The following RTL4 variants were observed in gnomAD, a reference collection of about 807,000 sequenced individuals.
RTL4 encodes the protein retrotransposon Gag like 4.
In RTL4, 4 loss-of-function variants were observed where a neutral mutation model predicts 5.3. The observed-to-expected ratio is 0.75, with a 90% CI of 0.37 to 1.72. The LOEUF (loss-of-function observed/expected upper bound fraction) is 1.72. RTL4 is among the 40% of genes most tolerant of loss of function. The pLI, the probability that RTL4 is intolerant of heterozygous loss-of-function variation, is 0.04. For missense variants in RTL4, 260 were observed against 227.1 expected (o/e 1.14, Z -0.93); for synonymous variants, 98 against 87.3 (o/e 1.12, Z -0.68).
At chrX:112,132,955 G>A in the RTL4 span, among the ~76,000 whole-genome samples, 3 of 112,164 alleles carry the variant, frequency 2.7e-5, no homozygotes, top group Non-Finnish European at 3.8e-5. Flanking sequence ...CCTCCTGGAG[G>A]AGGCTAGCCC....
the RTL4 span, among the ~76,000 whole-genome samples, chrX:112,113,532 C>T: frequency 1.8e-5 from 2 of 111,030 alleles, no homozygotes; most frequent in African/African-American, 6.6e-5. Flanking sequence ...ATGCCAGTGT[C>T]CAGGGGGAAG....
chrX:112,398,979 T>G, the RTL4 span, among the ~76,000 whole-genome samples: 5 of 112,359 alleles, frequency 4.5e-5, no homozygotes, highest in Non-Finnish European at 9.4e-5. Flanking sequence ...TGAAGTTAAT[T>G]CCTTTAAATA....
the RTL4 span, among the ~76,000 whole-genome samples, chrX:112,165,425 T>C: frequency 9.9e-4 from 110 of 111,554 alleles, no homozygotes; most frequent in Middle Eastern, 4.6e-3. Flanking sequence ...AACTGCCCTC[T>C]GTCACTCCAC....
chrX:112,245,853 G>T, the RTL4 span, among the ~76,000 whole-genome samples: 1 of 112,202 alleles, frequency 8.9e-6, no homozygotes, highest in Non-Finnish European at 1.9e-5. Flanking sequence ...TTTGGTCTTT[G>T]ATGATGGTGA....
the RTL4 span, among the ~76,000 whole-genome samples, chrX:112,397,478 T>C: frequency 9.0e-6 from 1 of 111,657 alleles, no homozygotes; most frequent in Non-Finnish European, 1.9e-5. Flanking sequence ...TTCTTCTTGA[T>C]CACATTTTAA....
the RTL4 span, among the ~76,000 whole-genome samples, chrX:112,388,984 A>T: frequency 9.0e-6 from 1 of 111,408 alleles, no homozygotes; most frequent in African/African-American, 3.3e-5. Flanking sequence ...TTTAGTAGGA[A>T]TGATACCAGC....
chrX:112,102,947 C>T, the RTL4 span, among the ~76,000 whole-genome samples: 1 of 111,652 alleles, frequency 9.0e-6, no homozygotes, highest in Non-Finnish European at 1.9e-5. Flanking sequence ...GGTGGCAAGG[C>T]TGTGGAGAAA....
the RTL4 span, among the ~76,000 whole-genome samples, chrX:112,205,538 A>G: frequency 1.8e-5 from 2 of 111,320 alleles, no homozygotes; most frequent in African/African-American, 6.5e-5. Context: ...CATCCTGAAT[A>G]TCTCATTTCC....
At chrX:112,104,052 C>T in the RTL4 span, among the ~76,000 whole-genome samples, 12 of 111,425 alleles carry the variant, frequency 1.1e-4, no homozygotes, top group African/African-American at 3.6e-4. Context: ...CAAGCCTCTA[C>T]CTCTCTCCAT....
At chrX:112,420,213 A>T in the RTL4 span, among the ~76,000 whole-genome samples, 1 of 111,644 alleles carries the variant, frequency 9.0e-6, no homozygotes, top group African/African-American at 3.3e-5. Context: ...AGTAGGTTGC[A>T]CTAATGAACC....
At chrX:112,271,068 A>G in the RTL4 span, among the ~76,000 whole-genome samples, 3 of 109,334 alleles carry the variant, frequency 2.7e-5, no homozygotes, top group African/African-American at 9.9e-5. Flanking sequence ...AAAAAAAAAA[A>G]AAACCCACAA....
the RTL4 span, among the ~76,000 whole-genome samples, chrX:112,117,339 T>C: frequency 2.2e-3 from 233 of 106,921 alleles, 4 homozygotes; most frequent in African/African-American, 7.7e-3. Context: ...AACTAATAGA[T>C]TTGACTACAT....
At chrX:112,273,057 T>C in the RTL4 span, among the ~76,000 whole-genome samples, 1 of 111,043 alleles carries the variant, frequency 9.0e-6, no homozygotes, top group Non-Finnish European at 1.9e-5. Flanking sequence ...CAAAACAAGA[T>C]GTTCTTTTCC....
At chrX:112,447,265 G>A in the RTL4 span, among the ~76,000 whole-genome samples, 3 of 111,884 alleles carry the variant, frequency 2.7e-5, no homozygotes, top group Non-Finnish European at 5.6e-5. Context: ...TGTTTGGTAG[G>A]CAACCTTCCA....
the RTL4 span, among the ~76,000 whole-genome samples, chrX:112,278,285 T>C: frequency 4.5e-5 from 5 of 112,284 alleles, no homozygotes; most frequent in African/African-American, 1.6e-4. Flanking sequence ...CCTAGATTTG[T>C]ATATAGGAAT....
At chrX:112,117,765 C>T in the RTL4 span, among the ~76,000 whole-genome samples, 3 of 111,532 alleles carry the variant, frequency 2.7e-5, no homozygotes, top group Non-Finnish European at 5.6e-5. Context: ...GACATTTTGA[C>T]TATGTCTTTA....
the RTL4 span, among the ~76,000 whole-genome samples, chrX:112,159,008 C>A: frequency 8.9e-6 from 1 of 112,023 alleles, no homozygotes; most frequent in African/African-American, 3.2e-5. Flanking sequence ...TAAAATTTTA[C>A]AAACTTGTTA....
the RTL4 span, among the ~76,000 whole-genome samples, chrX:112,167,444 C>G: frequency 9.0e-6 from 1 of 111,553 alleles, no homozygotes. Context: ...GCACAGGAAG[C>G]TAAATACTTT....
the RTL4 span, among the ~76,000 whole-genome samples, chrX:112,151,956 G>A: frequency 8.9e-6 from 1 of 111,946 alleles, no homozygotes; most frequent in Non-Finnish European, 1.9e-5. Flanking sequence ...TTGAGAGTCT[G>A]ATTAAATTCA....
Sources: gnomAD v4.1 joint callset for allele counts (sites outside exome capture counted in the v4.1 genomes callset) on GRCh38, gnomAD v4.1.1 for gene constraint, MANE v1.5 for transcripts, NCBI Gene and HGNC (gene_info 2026-07-23, HGNC 2026-07-21) for gene names.